Variants in MMP26 observed in about 807,000 individuals in gnomAD.
MMP26 encodes the protein matrix metalloproteinase-26.
Under a neutral mutation model 31.0 loss-of-function variants are expected in MMP26, and 33 were observed. The observed-to-expected ratio is 1.06, with a 90% CI of 0.81 to 1.42. The LOEUF is 1.42. Ranked by LOEUF, MMP26 falls within the 40% of genes most tolerant of loss-of-function variation. The probability of loss-of-function intolerance (pLI) is 0.00; values close to 1 mark genes in which losing one functional copy is unlikely to be tolerated. For synonymous variants in MMP26, 122 were observed against 114.9 expected, an observed-to-expected ratio of 1.06 and a Z score of -0.40; for missense variants, 347 against 316.1, an observed-to-expected ratio of 1.10 and a Z score of -0.74.
At chr11:4,772,673 G>T (rs1448808735) in intron 2 of MMP26, among the ~76,000 whole-genome samples, 4 of 152,170 alleles carry the variant, frequency 2.6e-5, no homozygotes, top group African/African-American at 9.7e-5. Flanking sequence ...TATTGAGAGA[G>T]TTTTTTCATT....
At chr11:4,739,573 C>T (rs1848285379) in intron 1 of MMP26, among the ~76,000 whole-genome samples, 1 of 151,872 alleles carries the variant, frequency 6.6e-6, no homozygotes, top group African/African-American at 2.4e-5. Context: ...ATGACTCCAA[C>T]CACTTGATAT....
chr11:4,950,842 C>T (rs1365313645), intron 2 of MMP26, among the ~76,000 whole-genome samples: 2 of 122,468 alleles, frequency 1.6e-5, no homozygotes, highest in Non-Finnish European at 1.8e-5. Flanking sequence ...TATATCATAC[C>T]CATTAGAATG....
At chr11:4,932,907 C>A (rs1851370887) in intron 2 of MMP26, among the ~76,000 whole-genome samples, 1 of 152,082 alleles carries the variant, frequency 6.6e-6, no homozygotes, top group Non-Finnish European at 1.5e-5. Context: ...TTATTCATGG[C>A]ATTATAAAAA....
chr11:4,790,434 G>T (rs1255280155), intron 2 of MMP26, among the ~76,000 whole-genome samples: 1 of 152,176 alleles, frequency 6.6e-6, no homozygotes, highest in Non-Finnish European at 1.5e-5. Context: ...TGATGTTGCT[G>T]GAGTTTCTCC....
chr11:4,809,267 G>A (rs1849318466), intron 2 of MMP26, among the ~76,000 whole-genome samples: 1 of 152,058 alleles, frequency 6.6e-6, no homozygotes, highest in Admixed American at 6.5e-5. Flanking sequence ...TATAACTAAG[G>A]ACATAACACG....
intron 1 of MMP26, among the ~76,000 whole-genome samples, chr11:4,747,437 G>A (rs1190749394): frequency 6.6e-6 from 1 of 152,096 alleles, no homozygotes; most frequent in Non-Finnish European, 1.5e-5. Flanking sequence ...CCATATCTAT[G>A]CATATAAATA....
At chr11:4,819,402 G>A (rs1009136102) in intron 2 of MMP26, among the ~76,000 whole-genome samples, 2 of 151,672 alleles carry the variant, frequency 1.3e-5, no homozygotes, top group African/African-American at 4.8e-5. Context: ...GGGAGAGGGG[G>A]GAAAGAAACA....
intron 2 of MMP26, among the ~76,000 whole-genome samples, chr11:4,970,382 A>G (rs952122711): frequency 2.0e-5 from 3 of 152,234 alleles, no homozygotes; most frequent in Admixed American, 2.0e-4. Flanking sequence ...TCAAGCAGCA[A>G]TCTGGCTGTT....
intron 2 of MMP26, among the ~76,000 whole-genome samples, chr11:4,901,725 A>G (rs183227835): frequency 6.6e-6 from 1 of 152,156 alleles, no homozygotes; most frequent in Non-Finnish European, 1.5e-5. Flanking sequence ...TAAGATTCCT[A>G]CTTTTTTGTA....
intron 2 of MMP26, among the ~76,000 whole-genome samples, chr11:4,779,724 G>A (rs1212859025): frequency 6.6e-6 from 1 of 151,968 alleles, no homozygotes; most frequent in Non-Finnish European, 1.5e-5. Flanking sequence ...TTTCATCTAA[G>A]TTTTCAAATT....
chr11:4,924,084 T>A lies in MMP26; in HGVS notation c.-144-63984T>A, dbSNP rs762060253. On this transcript the variant is annotated intron_variant, in intron 2 of 7. Coordinates refer to ENST00000380390, the MANE Select transcript of MMP26 (RefSeq NM_021801.5). ...ATCTCTCTGGTATCAAACCAGAAAATGCCCAGCACAGTGGGCAGTGTGGAA... is the reference window on the plus strand; with the variant it reads ...ATCTCTCTGGTATCAAACCAGAAAAAGCCCAGCACAGTGGGCAGTGTGGAA... 4 of 1,614,018 alleles carry A rather than the reference T, an allele frequency of 2.5e-6. No homozygotes were observed. In the South Asian group the frequency reaches 4.4e-5, roughly 18 times the overall value.
intron 2 of MMP26, among the ~76,000 whole-genome samples, chr11:4,925,523 T>C (rs1851257671): frequency 6.6e-6 from 1 of 152,032 alleles, no homozygotes; most frequent in African/African-American, 2.4e-5. Flanking sequence ...TAGAGGATAT[T>C]ATATGTAGCG....
chr11:4,909,043 A>G (rs967488430), intron 2 of MMP26: 2 of 152,158 alleles, frequency 1.3e-5, no homozygotes, highest in African/African-American at 4.8e-5. Context: ...TAAATTATGG[A>G]AAATTCACAA....
intron 2 of MMP26, among the ~76,000 whole-genome samples, chr11:4,961,595 A>G (rs1439216364): frequency 6.6e-6 from 1 of 152,222 alleles, no homozygotes; most frequent in African/African-American, 2.4e-5. Context: ...AATAAAGACA[A>G]TAACAAAGTA....
At chr11:4,737,368 G>T (rs972038739) in intron 1 of MMP26, among the ~76,000 whole-genome samples, 1 of 152,126 alleles carries the variant, frequency 6.6e-6, no homozygotes, top group African/African-American at 2.4e-5. Context: ...AGGTGGCCAG[G>T]CACAGTGGCT....
At chr11:4,789,853 A>G (rs12224171) in intron 2 of MMP26, among the ~76,000 whole-genome samples, 123,517 of 151,796 alleles carry the variant, frequency 0.81, 50,500 homozygotes, top group South Asian at 0.86. Flanking sequence ...TAAAGAAGAG[A>G]AATTCACACA....
At chr11:4,946,120 C>T (rs1291568285) in intron 2 of MMP26, 5 of 1,559,988 alleles carry the variant, frequency 3.2e-6, no homozygotes, top group East Asian at 2.2e-5. Context: ...CCTTAAATAT[C>T]TTACCAGACA....
intron 3 of MMP26, among the ~76,000 whole-genome samples, chr11:4,988,962 C>A (rs1846949340): frequency 6.6e-6 from 1 of 152,080 alleles, no homozygotes; most frequent in Admixed American, 6.6e-5. Flanking sequence ...AAAAAACAGT[C>A]AATAGGTTTA....
At chr11:4,736,218 A>G (rs1303722650) in intron 1 of MMP26, 1 of 152,142 alleles carries the variant, frequency 6.6e-6, no homozygotes, top group Non-Finnish European at 1.5e-5. Flanking sequence ...CTTGGTTTTC[A>G]CACTATAAAT....
Sources: allele counts gnomAD v4.1 joint callset (sites outside exome capture counted in the v4.1 genomes callset), GRCh38; gene constraint gnomAD v4.1.1; transcripts MANE v1.5; gene names NCBI Gene and HGNC (gene_info 2026-07-23, HGNC 2026-07-21).